Variants in KLF12 observed in about 807,000 individuals in gnomAD.
KLF12 encodes Krueppel-like factor 12.
Under a neutral mutation model 37.8 loss-of-function variants are expected in KLF12, and 9 were observed. That is an observed-to-expected ratio of 0.24 (90% CI 0.14 to 0.42). The LOEUF (loss-of-function observed/expected upper bound fraction) is 0.42. Ranked by LOEUF, KLF12 falls within the 10% of genes least tolerant of loss-of-function variation. The pLI is 1.00. For missense variants in KLF12, 411 were observed against 516.0 expected (o/e 0.80, Z 1.97); for synonymous variants, 208 against 202.1 (o/e 1.03, Z -0.25).
chr13:73,977,959 T>C (rs566135672), intron 2 of KLF12, among the ~76,000 whole-genome samples: 5 of 152,352 alleles, frequency 3.3e-5, no homozygotes, highest in Admixed American at 2.6e-4. Flanking sequence ...TACCCTTTTA[T>C]ACAAATTAAC....
At chr13:73,906,666 CA>C (rs1360341175) in intron 3 of KLF12, among the ~76,000 whole-genome samples, 1 of 152,156 alleles carries the variant, frequency 6.6e-6, no homozygotes, top group African/African-American at 2.4e-5. Flanking sequence ...TTTAAATTCT[CA>C]GTTTCATTGC....
chr13:74,041,970 T>C (rs7338608), intron 1 of KLF12, among the ~76,000 whole-genome samples: 16,747 of 152,112 alleles, frequency 0.11, 995 homozygotes, highest in African/African-American at 0.13. Flanking sequence ...GCTATTAACA[T>C]TTTCTGTAAT....
intron 1 of KLF12, among the ~76,000 whole-genome samples, chr13:74,071,117 T>C (rs1874211857): frequency 6.6e-6 from 1 of 152,208 alleles, no homozygotes; most frequent in Non-Finnish European, 1.5e-5. Context: ...CTACTTACAC[T>C]TTATTCATCA....
rs1877020958 is a variant in KLF12, at chr13:74,112,335, C to G, written c.-32+21404G>C. ...GTCAGAATATAAAAAGTTCTTTATACAGGCATGCCTTATTTTGTTACATTC... is the reference window on the plus strand; with the variant it reads ...GTCAGAATATAAAAAGTTCTTTATAGAGGCATGCCTTATTTTGTTACATTC... On this transcript the variant is annotated intron_variant, in intron 1 of 7. Transcript: ENST00000377669. Among the ~76,000 whole-genome samples, 4 of 147,380 alleles carry G rather than the reference C, an allele frequency of 2.7e-5. No individual in the cohort carries two copies. The Admixed American group carries it at 2.7e-4, about 10-fold the overall frequency.
chr13:73,961,132 C>T lies in KLF12; in HGVS notation c.34-17062G>A, dbSNP rs532215307. On this transcript the variant is annotated intron_variant, in intron 2 of 7. Coordinates refer to ENST00000377669, the MANE Select transcript of KLF12 (RefSeq NM_007249.5). ...ATAATCACAACAATTAGATTCTGCCCTCCTTTGAGCCTTTAATCATGATAG... is the reference window on the plus strand; with the variant it reads ...ATAATCACAACAATTAGATTCTGCCTTCCTTTGAGCCTTTAATCATGATAG... 1.7e-4 allele frequency among the ~76,000 whole-genome samples: 26 copies of T among 152,126 alleles called. No homozygotes were observed. In the South Asian group the frequency reaches 5.2e-3, roughly 30 times the overall value.
intron 1 of KLF12, among the ~76,000 whole-genome samples, chr13:74,091,488 T>C (rs1189602008): frequency 2.0e-5 from 3 of 152,242 alleles, no homozygotes; most frequent in African/African-American, 4.8e-5. Flanking sequence ...GTTTCCTCTA[T>C]GTCTTGTCAT....
intron 1 of KLF12, among the ~76,000 whole-genome samples, chr13:73,998,396 T>C (rs1892177483): frequency 6.6e-6 from 1 of 152,196 alleles, no homozygotes; most frequent in Middle Eastern, 3.2e-3. Context: ...AGAAACACAC[T>C]AGACATCTAA....
rs1875346126 is a variant in KLF12 at position 74,086,984 on chromosome 13, G to T, written c.-32+46755C>A. ...CTGAGTAGGGTGAGGAAGAGGAGGA[G>T]TTGGTCTTGCTGTCTTGGGGTGGCA... On this transcript the variant is annotated intron_variant, in intron 1 of 7. Coordinates refer to ENST00000377669, the MANE Select transcript of KLF12 (RefSeq NM_007249.5). Among the ~76,000 whole-genome samples, 3 of 152,126 alleles carry T rather than the reference G, an allele frequency of 2.0e-5. No individual in the cohort carries two copies. The South Asian group carries it at 6.2e-4, about 32-fold the overall frequency.
chr13:74,239,574 C>T, the KLF12 span, among the ~76,000 whole-genome samples: 1 of 112,050 alleles, frequency 8.9e-6, no homozygotes, highest in Non-Finnish European at 1.8e-5. Flanking sequence ...GTGTGGGAGT[C>T]TAAGTCTCTT....
At chr13:74,135,718 G>A (rs970610364), upstream of KLF12, among the ~76,000 whole-genome samples, 2 of 152,074 alleles carry the variant, frequency 1.3e-5, no homozygotes, top group African/African-American at 2.4e-5. Flanking sequence ...GGCCCGGCCC[G>A]CCCCGCGTGG....
the KLF12 span, among the ~76,000 whole-genome samples, chr13:74,203,371 C>A: frequency 6.6e-6 from 1 of 151,986 alleles, no homozygotes; most frequent in Non-Finnish European, 1.5e-5. Context: ...TTGGAGGGAA[C>A]ACTATTCCTT....
the KLF12 span, among the ~76,000 whole-genome samples, chr13:74,249,071 G>A: frequency 0.042 from 6,440 of 152,110 alleles, 433 homozygotes; most frequent in African/African-American, 0.14. Context: ...GTGGACCCTG[G>A]AGCCAGACAA....
At position 73,810,413 on chromosome 13, in the gene KLF12, C is replaced by T. The variant is rs143520684; in HGVS notation, c.806+2739G>A. ...ATATAATTATTTGCTATACAAGCCC[C>T]AAATGGAGTAAGCATACTTTTTTTA... is the stretch of plus-strand genomic sequence containing the variant. On this transcript the variant is annotated intron_variant, in intron 5 of 7. Coordinates refer to ENST00000377669, the MANE Select transcript of KLF12 (RefSeq NM_007249.5). Among the ~76,000 whole-genome samples, 7 of 152,128 alleles carry T rather than the reference C, an allele frequency of 4.6e-5. No individual in the cohort carries two copies. The East Asian group carries it at 1.3e-3, about 29-fold the overall frequency.
chr13:73,873,385 G>A (rs1461273280), intron 3 of KLF12, among the ~76,000 whole-genome samples: 1 of 152,076 alleles, frequency 6.6e-6, no homozygotes, highest in Non-Finnish European at 1.5e-5. Context: ...TTCATCACTA[G>A]ACTGATTTTA....
chr13:73,763,554 G>A (rs1055229665), intron 6 of KLF12, among the ~76,000 whole-genome samples: 5 of 152,116 alleles, frequency 3.3e-5, no homozygotes, highest in African/African-American at 1.2e-4. Context: ...TATGAATTAT[G>A]CAGGAACATC....
rs781669615 is a variant in KLF12 at position 73,689,260 on chromosome 13, CTTCT to C, written c.*6226_*6229del. On this transcript the variant is annotated 3_prime_UTR_variant, in exon 8 of 8. Transcript: ENST00000377669. ...CCTGGTACATTTCCGTCTCCCTTTT[CTTCT>C]TTCTAACATTGGGAGGAGAAAACAG... is the stretch of plus-strand genomic sequence containing the variant. 7 of 152,056 alleles carry C rather than the reference CTTCT, an allele frequency of 4.6e-5. No homozygotes were observed. Among genetic ancestry groups the C allele is most frequent in the Admixed American group, 1.3e-4 (2 of 15,248 alleles). The allele number at this position is 152,056 out of a possible 1,614,324, so 9.4% of individuals were successfully genotyped here.
At chr13:74,212,304 G>A in the KLF12 span, among the ~76,000 whole-genome samples, 2 of 152,248 alleles carry the variant, frequency 1.3e-5, no homozygotes, top group African/African-American at 2.4e-5. Flanking sequence ...GGGAAGAAAT[G>A]TTACCAACTT....
At chr13:74,161,068 CTT>C in the KLF12 span, among the ~76,000 whole-genome samples, 287 of 139,372 alleles carry the variant, frequency 2.1e-3, no homozygotes, top group East Asian at 3.1e-3. Context: ...TCAGGAGAGT[CTT>C]TTTTTTTTTT....
At chr13:73,759,600 T>A (rs1879415825) in intron 6 of KLF12, among the ~76,000 whole-genome samples, 1 of 152,194 alleles carries the variant, frequency 6.6e-6, no homozygotes, top group African/African-American at 2.4e-5. Flanking sequence ...TCTCTTGCTC[T>A]CTGCACAGGT....
Sources: gnomAD v4.1 joint callset for allele counts (sites outside exome capture counted in the v4.1 genomes callset) on GRCh38, gnomAD v4.1.1 for gene constraint, MANE v1.5 for transcripts, NCBI Gene and HGNC (gene_info 2026-07-23, HGNC 2026-07-21) for gene names.